The following ZC3H12D variants were observed in gnomAD, a reference collection of about 807,000 sequenced individuals.
The protein encoded by ZC3H12D is zinc finger CCCH-type containing 12D.
Under a neutral mutation model 24.2 loss-of-function variants are expected in ZC3H12D, and 11 were observed. That is an observed-to-expected ratio of 0.46 (90% CI 0.29 to 0.75). The LOEUF (loss-of-function observed/expected upper bound fraction) is 0.75, where lower values mean the gene tolerates loss of function less well. ZC3H12D is among the 30% of genes least tolerant of loss of function. The probability of loss-of-function intolerance (pLI) is 0.11; values close to 1 mark genes in which losing one functional copy is unlikely to be tolerated. For missense variants in ZC3H12D, 740 were observed against 767.7 expected (o/e 0.96, Z 0.43); for synonymous variants, 333 against 341.8 (o/e 0.97, Z 0.28).
chr6:149,455,583 C>T (rs1279031240), intron 4 of ZC3H12D, among the ~76,000 whole-genome samples: 31 of 141,792 alleles, frequency 2.2e-4, no homozygotes. Flanking sequence ...TGGTTTGTGC[C>T]TGTGGCCCTG....
intron 3 of ZC3H12D, among the ~76,000 whole-genome samples, chr6:149,458,083 A>G (rs1583185455): frequency 9.2e-6 from 1 of 108,862 alleles, no homozygotes; most frequent in South Asian, 3.2e-4. Context: ...AATGCAGATT[A>G]TGAGAATCAT....
At chr6:149,474,018 C>T (rs376269) in intron 2 of ZC3H12D, among the ~76,000 whole-genome samples, 60,738 of 151,972 alleles carry the variant, frequency 0.4, 12,816 homozygotes, top group African/African-American at 0.5. Flanking sequence ...AAACCCTCTA[C>T]AGAGATTTTA....
intron 1 of ZC3H12D, among the ~76,000 whole-genome samples, chr6:149,483,983 C>T (rs927823339): frequency 1.3e-5 from 2 of 152,234 alleles, no homozygotes; most frequent in African/African-American, 4.8e-5. Flanking sequence ...TTGCTGTGAA[C>T]ATAAGTGTGC....
In ZC3H12D at chr6:149,451,345, G is replaced by C; in HGVS notation, c.922C>G (p.Pro308Ala). ...GCGGAGCCGCCCGGGGCTCTCGGTG[G>C]CCGCTGCTCCTCGGCGCCCGCGCCA... ...RPGAGAEEQR[P>A]PRAPGGSAGA... The change falls in exon 6 of 6, where the codon CCA becomes GCA. Residue 308 changes from proline to alanine, a missense_variant. By Grantham distance (27) the Pro-to-Ala change is conservative. Transcript: ENST00000409806. 1 of 1,461,134 alleles carries C rather than the reference G, an allele frequency of 6.8e-7. No individual in the cohort carries two copies. The highest frequency in any genetic ancestry group is 8.9e-7 in the Non-Finnish European group (1 of 1,117,828). 90.5% of individuals were successfully genotyped at this position (1,461,134 alleles called of 1,614,324 possible). A position where few individuals can be genotyped will look rare whatever the true frequency, so the allele number is the denominator to read the frequency against.
At chr6:149,461,265 C>T (rs188059468) in intron 3 of ZC3H12D, among the ~76,000 whole-genome samples, 391 of 150,024 alleles carry the variant, frequency 2.6e-3, no homozygotes, top group South Asian at 4.5e-3. Flanking sequence ...CACTTGAACC[C>T]GGGAGGAGGA....
chr6:149,451,362 C>CAT lies in ZC3H12D; in HGVS notation c.904_905insAT (p.Gly302AspfsTer197). The CAT allele has an allele frequency of 1.3e-6, 2 of 1,496,214 alleles. No individual in the cohort carries two copies. Among genetic ancestry groups the CAT allele is most frequent in the Non-Finnish European group, 1.8e-6 (2 of 1,133,526 alleles). 92.7% of individuals were successfully genotyped at this position (1,496,214 alleles called of 1,614,324 possible). On this transcript the variant is annotated frameshift_variant, in exon 6 of 6. Transcript: ENST00000409806. LOFTEE classifies it low-confidence loss of function (END_TRUNC). ...TCTCGGTGGCCGCTGCTCCTCGGCG[C>CAT]CCGCGCCAGGCCGGGCCCCTGTCTT... is the stretch of plus-strand genomic sequence containing the variant.
chr6:149,476,773 A>G (rs1354360121), intron 1 of ZC3H12D, among the ~76,000 whole-genome samples: 4 of 152,008 alleles, frequency 2.6e-5, no homozygotes, highest in Admixed American at 1.3e-4. Flanking sequence ...ATACCACTGC[A>G]CTTCAGTCCA....
chr6:149,470,760 C>A (rs1194107444), intron 2 of ZC3H12D, among the ~76,000 whole-genome samples: 3 of 152,182 alleles, frequency 2.0e-5, no homozygotes, highest in Non-Finnish European at 4.4e-5. Context: ...CCACACCTGG[C>A]TATTCACATT....
chr6:149,451,591 C>T (rs1775897267), intron 5 of ZC3H12D, 112 bp from the exon 6 acceptor site: 4 of 957,266 alleles, frequency 4.2e-6, no homozygotes, highest in Admixed American at 7.3e-5. Context: ...GTGGAGATTC[C>T]TCCAAGCAGG....
chr6:149,482,313 T>A (rs531938821), intron 1 of ZC3H12D, among the ~76,000 whole-genome samples: 19 of 152,274 alleles, frequency 1.2e-4, no homozygotes, highest in Non-Finnish European at 2.4e-4. Context: ...CGGGACGTGA[T>A]GGTCTCTGAG....
At chr6:149,478,297 G>C (rs1583193536) in intron 1 of ZC3H12D, among the ~76,000 whole-genome samples, 2 of 152,220 alleles carry the variant, frequency 1.3e-5, no homozygotes, top group East Asian at 1.9e-4. Flanking sequence ...GCAACAGCTT[G>C]AATGCAGAAG....
intron 1 of ZC3H12D, among the ~76,000 whole-genome samples, chr6:149,476,568 G>C (rs1776344032): frequency 3.3e-5 from 5 of 152,132 alleles, no homozygotes; most frequent in Admixed American, 2.6e-4. Flanking sequence ...AATACCCTGG[G>C]GGGCCGAGGC....
In ZC3H12D at chr6:149,461,805, T is replaced by C. The variant is rs764426545; in HGVS notation, c.445+26A>G. 3 of 1,547,492 alleles carry C rather than the reference T, an allele frequency of 1.9e-6. No homozygotes were observed. The Admixed American group carries it at 6.0e-5, about 31-fold the overall frequency. The stretch of plus-strand genomic sequence containing the variant: ...ACCAAGGAAACGTGTCTAGTACCTC[T>C]TGAGCATACATCTGCTCCAGCATAC... On this transcript the variant is annotated intron_variant, in intron 3 of 5. Coordinates refer to ENST00000409806, the MANE Select transcript of ZC3H12D (RefSeq NM_207360.3).
intron 4 of ZC3H12D, among the ~76,000 whole-genome samples, chr6:149,454,698 G>T (rs544441999): frequency 6.6e-6 from 1 of 152,240 alleles, no homozygotes; most frequent in Non-Finnish European, 1.5e-5. Context: ...AGGCCAGTGC[G>T]TCAAAAGGAC....
Position 149,472,318 on chromosome 6 carries a change from G to A in ZC3H12D, c.305+1921C>T, listed in dbSNP as rs376013249. On this transcript the variant is annotated intron_variant, in intron 2 of 5. Transcript: ENST00000409806. ...CCTAACTACTGGGATCCAGGGAAGA[G>A]GGAGGGGATGTGTGTGTGTAGACAC... Among the ~76,000 whole-genome samples, 6 of 152,194 alleles carry A rather than the reference G, an allele frequency of 3.9e-5. No individual in the cohort carries two copies. In the East Asian group the frequency reaches 5.8e-4, roughly 15 times the overall value.
In ZC3H12D at chr6:149,452,158, T is replaced by C. The variant is rs891531070; in HGVS notation, c.787+458A>G. ...ACATCAAATAACTTGACGAAGCAAG[T>C]CAGTGAAAGAGCTGGCTAGAAGGCT... On this transcript the variant is annotated intron_variant, in intron 5 of 5. Transcript: ENST00000409806. The surrounding 1 kb of genome is among the most constrained non-coding windows in gnomAD (Gnocchi z 4.0). The C allele has an allele frequency of 2.5e-5, 4 of 158,954 alleles. No individual in the cohort carries two copies. Among genetic ancestry groups the C allele is most frequent in the African/African-American group, 9.6e-5 (4 of 41,728 alleles). 9.8% of individuals were successfully genotyped at this position (158,954 alleles called of 1,614,324 possible).
Position 149,450,636 on chromosome 6 carries a change from G to A in ZC3H12D, c.*47C>T, listed in dbSNP as rs1428205098. 3.4e-6 allele frequency: 5 copies of A among 1,458,574 alleles called. No homozygotes were observed. In the East Asian group the frequency reaches 1.3e-4, roughly 37 times the overall value. 90.4% of individuals were successfully genotyped at this position (1,458,574 alleles called of 1,614,324 possible). On this transcript the variant is annotated 3_prime_UTR_variant, in exon 6 of 6. Coordinates refer to ENST00000409806, the MANE Select transcript of ZC3H12D (RefSeq NM_207360.3). ...GGCAACCACAGGTCCACCCGTCCAA[G>A]ACGCAAGGCGAGGCTGGGCCATTCC...
Position 149,452,526 on chromosome 6 carries a change from A to C in ZC3H12D, c.787+90T>G. The C allele has an allele frequency of 1.8e-6, 2 of 1,102,824 alleles. No homozygotes were observed. The highest frequency in any genetic ancestry group is 2.4e-6 in the Non-Finnish European group (2 of 817,734). 68.3% of individuals were successfully genotyped at this position (1,102,824 alleles called of 1,614,324 possible). A position where few individuals can be genotyped will look rare whatever the true frequency, so the allele number is the denominator to read the frequency against. On this transcript the variant is annotated intron_variant, in intron 5 of 5. Coordinates refer to ENST00000409806, the MANE Select transcript of ZC3H12D (RefSeq NM_207360.3). The surrounding 1 kb of genome is among the most constrained non-coding windows in gnomAD (Gnocchi z 4.0). ...ACTTGGGCAAGAGCCCAGGCCGCTG[A>C]GCACCAGGCCAGCGCTTTTTGACTG... is the stretch of plus-strand genomic sequence containing the variant.
intron 2 of ZC3H12D, among the ~76,000 whole-genome samples, chr6:149,472,590 A>G (rs1224704312): frequency 6.6e-6 from 1 of 152,098 alleles, no homozygotes; most frequent in Admixed American, 6.5e-5. Flanking sequence ...ACGACACATT[A>G]TGGTCATGTG....
Sources: gnomAD v4.1 joint callset for allele counts (sites outside exome capture counted in the v4.1 genomes callset) on GRCh38, gnomAD v4.1.1 for gene constraint, Gnocchi (gnomAD v3.1) non-coding constraint, MANE v1.5 for transcripts, NCBI Gene and HGNC (gene_info 2026-07-23, HGNC 2026-07-21) for gene names.